LRRC27: variants seen among roughly 807,000 people sequenced by gnomAD.
LRRC27 encodes leucine rich repeat containing 27, also known as leucine-rich repeat-containing protein 27.
A neutral mutation model predicts 55.0 loss-of-function variants in LRRC27; 57 were observed. The ratio of observed to expected loss-of-function variants is 1.04; its 90% confidence interval spans 0.84 to 1.29. The LOEUF is 1.29. Among genes scored for constraint, LRRC27 ranks in the 50% most tolerant of loss-of-function variants. The pLI, the probability that LRRC27 is intolerant of heterozygous loss-of-function variation, is 0.00. For synonymous variants in LRRC27, 278 were observed against 251.9 expected, an observed-to-expected ratio of 1.10 and a Z score of -0.98; for missense variants, 721 against 651.5, an observed-to-expected ratio of 1.11 and a Z score of -1.16.
At chr10:132,364,429 G>A (rs74220215) in intron 9 of LRRC27, among the ~76,000 whole-genome samples, 812 of 6,718 alleles carry the variant, frequency 0.12, 21 homozygotes, top group African/African-American at 0.18. Flanking sequence ...TTACACCCAC[G>A]CTTACATCTA....
At chr10:132,352,932 C>T (rs1336469977) in intron 7 of LRRC27, 1 of 1,613,968 alleles carries the variant, frequency 6.2e-7, no homozygotes, top group African/African-American at 1.3e-5. Flanking sequence ...ACACGGTCAT[C>T]AGGGAGGTTC....
intron 9 of LRRC27, among the ~76,000 whole-genome samples, chr10:132,362,414 G>A (rs1382782880): frequency 6.6e-6 from 1 of 152,184 alleles, no homozygotes; most frequent in Non-Finnish European, 1.5e-5. Context: ...GAGCAAATGG[G>A]GCTGAGGAGC....
rs1172400056 is a variant in LRRC27, at chr10:132,378,558, A to C, written c.*3316A>C. On this transcript the variant is annotated 3_prime_UTR_variant, in exon 11 of 11. Coordinates refer to ENST00000368614, the MANE Select transcript of LRRC27 (RefSeq NM_030626.3). Reference sequence around the variant, plus strand: ...GTGAGTGTGTGTGGCTGTAACCTGCACGTCTCTTCTGTCATGTGTTCTATT... The same window carrying C: ...GTGAGTGTGTGTGGCTGTAACCTGCCCGTCTCTTCTGTCATGTGTTCTATT... 3 of 152,166 alleles carry C rather than the reference A, an allele frequency of 2.0e-5. No individual in the cohort carries two copies. Among genetic ancestry groups the C allele is most frequent in the Non-Finnish European group, 4.4e-5 (3 of 68,080 alleles). The allele number at this position is 152,166 out of a possible 1,614,324, so 9.4% of individuals were successfully genotyped here. A position where few individuals can be genotyped will look rare whatever the true frequency, so the allele number is the denominator to read the frequency against.
intron 8 of LRRC27, among the ~76,000 whole-genome samples, chr10:132,358,302 G>GAGCGTGGGGAGGAGCCGAGGTGATGGAGC (rs2068403972): frequency 2.0e-5 from 3 of 149,002 alleles, no homozygotes; most frequent in East Asian, 2.0e-4. Context: ...CGAGGTGGTG[G>GAGCGTGGGGAGGAGCCGAGGTGATGGAGC]AGCGTGGGGA....
chr10:132,347,754 GTGT>G (rs2067789448), intron 5 of LRRC27, among the ~76,000 whole-genome samples: 1 of 152,186 alleles, frequency 6.6e-6, no homozygotes, highest in African/African-American at 2.4e-5. Context: ...GCTTCTGGCA[GTGT>G]TGTTTCCATT....
intron 10 of LRRC27, chr10:132,366,388 A>G (rs1024215602): frequency 2.6e-5 from 4 of 152,464 alleles, no homozygotes; most frequent in African/African-American, 9.6e-5. Flanking sequence ...TATATTTGGA[A>G]TGTTAACCAT....
At chr10:132,336,790 T>G (rs576074234) in intron 2 of LRRC27, 1 of 772,906 alleles carries the variant, frequency 1.3e-6, no homozygotes, top group East Asian at 2.4e-5. Context: ...TTCTACTCCC[T>G]CAGGAAATAC....
At chr10:132,357,481 A>G (rs2068360129) in intron 8 of LRRC27, among the ~76,000 whole-genome samples, 1 of 152,240 alleles carries the variant, frequency 6.6e-6, no homozygotes, top group South Asian at 2.1e-4. Flanking sequence ...TCTGTGGCCG[A>G]CAGAAGGGTG....
chr10:132,366,282 G>T (rs554429234), intron 10 of LRRC27: 1 of 152,952 alleles, frequency 6.5e-6, no homozygotes. Context: ...TGGCTGACAC[G>T]CTCGGTGTCT....
chr10:132,339,629 G>A (rs1021932232), intron 3 of LRRC27, among the ~76,000 whole-genome samples: 1 of 152,180 alleles, frequency 6.6e-6, no homozygotes, highest in Non-Finnish European at 1.5e-5. Flanking sequence ...TCACGGCCTC[G>A]GGAGGCTTCC....
Position 132,378,271 on chromosome 10 carries a change from C to G in LRRC27, c.*3029C>G, listed in dbSNP as rs1011400299. The G allele has an allele frequency of 6.6e-6, 1 of 151,216 alleles. No individual in the cohort carries two copies. The highest frequency in any genetic ancestry group is 6.6e-5 in the Admixed American group (1 of 15,214). 9.4% of individuals were successfully genotyped at this position (151,216 alleles called of 1,614,324 possible). ...TTGTCTTAAAATTGTTTCTCCTTAT[C>G]TTTGGTTTTCAGCAGTCTGTGCTGT... On this transcript the variant is annotated 3_prime_UTR_variant, in exon 11 of 11. Coordinates refer to ENST00000368614, the MANE Select transcript of LRRC27 (RefSeq NM_030626.3).
rs1224679778 is a variant in LRRC27, at chr10:132,355,822, G to A, written c.1106G>A (p.Arg369Gln). Residue 369 changes from arginine to glutamine, a missense_variant, in exon 8 of 11, where the codon CGA (arginine) becomes CAA (glutamine). By Grantham distance (43) the Arg-to-Gln change is conservative (BLOSUM62 1). Coordinates refer to ENST00000368614, the MANE Select transcript of LRRC27 (RefSeq NM_030626.3). ...AGGGCACTGCAGGAGTGGAGAGAGC[G>A]AGCCCAGAGGATGAGGAAGAGGAAG... The part of the protein sequence containing the change: ...EKRALQEWRE[R>Q]AQRMRKRKEE... 9.0e-6 allele frequency: 14 copies of A among 1,557,150 alleles called. No homozygotes were observed. Among genetic ancestry groups the A allele is most frequent in the South Asian group, 1.2e-5 (1 of 84,394 alleles).
In LRRC27 at chr10:132,332,748, C is replaced by G. The variant is rs529133619; in HGVS notation, c.-49+492C>G. 5.7e-4 allele frequency among the ~76,000 whole-genome samples: 83 copies of G among 145,814 alleles called. 1 individual carries two copies. Among genetic ancestry groups the G allele is most frequent in the African/African-American group, 2.0e-3 (81 of 40,292 alleles). On this transcript the variant is annotated intron_variant, in intron 1 of 10. Coordinates refer to ENST00000368614, the MANE Select transcript of LRRC27 (RefSeq NM_030626.3). ...GCCTCTACCCCCCAATTAACTGCGC[C>G]CCTGGAACAGTTCCCTAACTGATCT... is the stretch of plus-strand genomic sequence containing the variant.
chr10:132,371,616 C>T (rs552437740), intron 10 of LRRC27, among the ~76,000 whole-genome samples: 11 of 152,240 alleles, frequency 7.2e-5, no homozygotes, highest in Admixed American at 2.6e-4. Context: ...TAGAGCCCCA[C>T]GTCTCAGCTG....
intron 10 of LRRC27, among the ~76,000 whole-genome samples, chr10:132,369,345 C>A (rs527757955): frequency 6.6e-6 from 1 of 152,164 alleles, no homozygotes; most frequent in African/African-American, 2.4e-5. Flanking sequence ...TTCATAATTG[C>A]CAAAACTTGG....
intron 7 of LRRC27, chr10:132,353,131 G>T: frequency 6.9e-7 from 1 of 1,458,866 alleles, no homozygotes; most frequent in Admixed American, 2.4e-5. Context: ...CTCACTTGGT[G>T]GTTGGCTTTG....
rs149665630 is a variant in LRRC27, at chr10:132,348,126, C to T, written c.696C>T (p.Leu232=). The change falls in exon 6 of 11, where the codon CTC becomes CTT. Residue 232 remains leucine, a synonymous_variant. Transcript: ENST00000368614. The surrounding 1 kb of genome is among the most constrained non-coding windows in gnomAD (Gnocchi z 4.2). ...TGATGAAAGAGAAGGCCAGCTTTCT[C>T]CCACCTGTGGAAAAGCCAGACCTGA... is the stretch of plus-strand genomic sequence containing the variant. ...GAVMKEKASF[L]PPVEKPDLSE... The T allele has an allele frequency of 7.4e-6, 12 of 1,614,086 alleles. No homozygotes were observed. In the African/African-American group the frequency reaches 1.2e-4, roughly 16 times the overall value.
chr10:132,346,796 T>A (rs2067720332), intron 5 of LRRC27, among the ~76,000 whole-genome samples: 1 of 150,868 alleles, frequency 6.6e-6, no homozygotes, highest in Non-Finnish European at 1.5e-5. Flanking sequence ...CAAATATGCA[T>A]GTTTCTAGTC....
intron 8 of LRRC27, among the ~76,000 whole-genome samples, chr10:132,358,818 C>CAGT (rs1195856941): frequency 4.1e-5 from 1 of 24,600 alleles, no homozygotes; most frequent in African/African-American, 2.8e-4. Flanking sequence ...GGTGGTGGAG[C>CAGT]GTGGGAAGGA....
Sources: gnomAD v4.1 joint callset for allele counts (sites outside exome capture counted in the v4.1 genomes callset) on GRCh38, gnomAD v4.1.1 for gene constraint, Gnocchi (gnomAD v3.1) non-coding constraint, MANE v1.5 for transcripts, NCBI Gene and HGNC (gene_info 2026-07-23, HGNC 2026-07-21) for gene names.